The following PRORP variants were observed in gnomAD, a reference collection of about 807,000 sequenced individuals.
PRORP encodes mitochondrial ribonuclease P catalytic subunit.
In PRORP, 51 loss-of-function variants were observed where a neutral mutation model predicts 59.4. The observed-to-expected ratio is 0.86, with a 90% confidence interval of 0.69 to 1.08. The LOEUF is 1.08. Ranked by LOEUF, PRORP falls within the 50% of genes least tolerant of loss-of-function variation. The probability of loss-of-function intolerance (pLI) is 0.00; values close to 1 mark genes in which losing one functional copy is unlikely to be tolerated. For synonymous variants in PRORP, 231 were observed against 245.6 expected (o/e 0.94, Z 0.55); for missense variants, 646 against 690.3 (o/e 0.94, Z 0.72).
chr14:35,223,500 C>T (rs988443710), intron 5 of PRORP, among the ~76,000 whole-genome samples: 1 of 150,360 alleles, frequency 6.7e-6, no homozygotes, highest in African/African-American at 2.5e-5. Context: ...CACTCTCTCG[C>T]CCAGGCTGGA....
At chr14:35,193,393 A>C (rs889798272) in intron 5 of PRORP, among the ~76,000 whole-genome samples, 1 of 152,194 alleles carries the variant, frequency 6.6e-6, no homozygotes, top group Non-Finnish European at 1.5e-5. Context: ...ATTTGTTTTG[A>C]TTGCCATCTG....
At chr14:35,195,872 C>G (rs929477323) in intron 5 of PRORP, among the ~76,000 whole-genome samples, 34 of 152,032 alleles carry the variant, frequency 2.2e-4, no homozygotes, top group African/African-American at 7.2e-4. Context: ...GTTATGTTAT[C>G]AAGGAGTTAC....
intron 5 of PRORP, among the ~76,000 whole-genome samples, chr14:35,188,533 G>A (rs2048800681): frequency 6.6e-6 from 1 of 151,808 alleles, no homozygotes; most frequent in Admixed American, 6.6e-5. Flanking sequence ...ATCTTTATCA[G>A]ATATATAATC....
intron 4 of PRORP, among the ~76,000 whole-genome samples, chr14:35,163,964 G>A (rs1595220518): frequency 6.6e-6 from 1 of 152,106 alleles, no homozygotes. Context: ...AAAGGTAAGG[G>A]TCCAGTTTCA....
intron 5 of PRORP, among the ~76,000 whole-genome samples, chr14:35,195,504 T>C (rs2048986324): frequency 6.6e-6 from 1 of 152,152 alleles, no homozygotes; most frequent in Admixed American, 6.6e-5. Context: ...GTAGAAATTC[T>C]CCACTGACCA....
At chr14:35,210,252 A>G (rs1260297623) in intron 5 of PRORP, among the ~76,000 whole-genome samples, 2 of 152,214 alleles carry the variant, frequency 1.3e-5, no homozygotes, top group Admixed American at 6.5e-5. Context: ...TCCTACCTAT[A>G]AAGTGCAAAC....
intron 4 of PRORP, among the ~76,000 whole-genome samples, chr14:35,149,161 C>T (rs1366072300): frequency 2.0e-5 from 3 of 151,014 alleles, no homozygotes; most frequent in South Asian, 2.1e-4. Flanking sequence ...CCTCGTGATC[C>T]GCCCGCCTCG....
At chr14:35,263,321 AAAT>A (rs1452723558) in intron 5 of PRORP, among the ~76,000 whole-genome samples, 1 of 152,198 alleles carries the variant, frequency 6.6e-6, no homozygotes, top group African/African-American at 2.4e-5. Flanking sequence ...ATTAACGAAA[AAAT>A]ATATTTATGA....
chr14:35,211,631 A>G (rs770422529), intron 5 of PRORP, among the ~76,000 whole-genome samples: 4 of 152,258 alleles, frequency 2.6e-5, no homozygotes, highest in Non-Finnish European at 4.4e-5. Flanking sequence ...TATGTATGCA[A>G]TAACATTATG....
In PRORP at chr14:35,142,096, C is replaced by G. The variant is rs1053183341; in HGVS notation, c.1167+14485C>G. On this transcript the variant is annotated intron_variant, in intron 4 of 7. Transcript: ENST00000534898. The stretch of plus-strand genomic sequence containing the variant: ...GTTTCACCATGTTGGCCAGGCTGGT[C>G]TTGAACTCCTGACCTCAGCTGATCC... 2.1e-5 allele frequency among the ~76,000 whole-genome samples: 3 copies of G among 144,816 alleles called. 1 individual carries two copies. The highest frequency in any genetic ancestry group is 7.3e-5 in the African/African-American group (3 of 40,912).
At chr14:35,205,046 G>A (rs1207386556) in intron 5 of PRORP, among the ~76,000 whole-genome samples, 1 of 152,220 alleles carries the variant, frequency 6.6e-6, no homozygotes. Flanking sequence ...TTCAGAGCTA[G>A]TAAATGTCAG....
intron 4 of PRORP, among the ~76,000 whole-genome samples, chr14:35,150,162 C>T (rs2047709046): frequency 6.6e-6 from 1 of 152,220 alleles, no homozygotes; most frequent in Non-Finnish European, 1.5e-5. Flanking sequence ...TAGCTTTTGA[C>T]ATGCCTTCCT....
At chr14:35,174,213 A>G (rs533850832) in intron 4 of PRORP, among the ~76,000 whole-genome samples, 98 of 96,670 alleles carry the variant, frequency 1.0e-3, no homozygotes, top group African/African-American at 3.5e-3. Context: ...TTTTAAAACT[A>G]CCAAACCTTC....
intron 5 of PRORP, among the ~76,000 whole-genome samples, chr14:35,262,260 C>A (rs2050926112): frequency 6.6e-6 from 1 of 152,100 alleles, no homozygotes; most frequent in Non-Finnish European, 1.5e-5. Flanking sequence ...AGTCCTCCTG[C>A]CTCAGCATCC....
Position 35,172,322 on chromosome 14 carries a change from T to C in PRORP, c.1168-8348T>C, listed in dbSNP as rs866553661. On this transcript the variant is annotated intron_variant, in intron 4 of 7. Transcript: ENST00000534898. ...CCTCAGGCTCCCAAAGTACTGGGATTACAGGCAGAATTCTTGATTATATTT... is the reference window on the plus strand; with the variant it reads ...CCTCAGGCTCCCAAAGTACTGGGATCACAGGCAGAATTCTTGATTATATTT... 4.2e-4 allele frequency among the ~76,000 whole-genome samples: 64 copies of C among 152,014 alleles called. 1 individual carries two copies. The highest frequency in any genetic ancestry group is 3.5e-3 in the Admixed American group (53 of 15,266).
chr14:35,193,333 A>G (rs373210163), intron 5 of PRORP, among the ~76,000 whole-genome samples: 15 of 152,250 alleles, frequency 9.9e-5, no homozygotes, highest in South Asian at 4.1e-4. Flanking sequence ...TCATTCTTAT[A>G]GCATGCTTGG....
chr14:35,135,066 A>G (rs975462541), intron 4 of PRORP, among the ~76,000 whole-genome samples: 4 of 152,186 alleles, frequency 2.6e-5, no homozygotes, highest in African/African-American at 7.2e-5. Flanking sequence ...ATAACAGGGC[A>G]GCACTGAGTT....
chr14:35,205,545 C>T (rs1474362743), intron 5 of PRORP, among the ~76,000 whole-genome samples: 2 of 152,116 alleles, frequency 1.3e-5, no homozygotes, highest in African/African-American at 2.4e-5. Context: ...TGGTCTCGAA[C>T]TCCTGGGCTC....
chr14:35,195,751 T>C (rs1003351567), intron 5 of PRORP, among the ~76,000 whole-genome samples: 23 of 152,110 alleles, frequency 1.5e-4, no homozygotes, highest in African/African-American at 5.1e-4. Context: ...AGGGTAGAAA[T>C]CTATTTTTTT....
Sources: allele counts gnomAD v4.1 joint callset (sites outside exome capture counted in the v4.1 genomes callset), GRCh38; gene constraint gnomAD v4.1.1; transcripts MANE v1.5; gene names NCBI Gene and HGNC (gene_info 2026-07-23, HGNC 2026-07-21).